Variants in SHISA6 observed in about 807,000 individuals in gnomAD.
The protein encoded by SHISA6 is protein shisa-6.
Under a neutral mutation model 47.9 loss-of-function variants are expected in SHISA6, and 22 were observed. The ratio of observed to expected loss-of-function variants is 0.46; its 90% CI spans 0.33 to 0.66. SHISA6 has a LOEUF of 0.66. SHISA6 is among the 30% of genes least tolerant of loss of function. SHISA6 has a pLI of 0.02. For missense variants in SHISA6, 680 were observed against 764.6 expected (o/e 0.89, Z 1.30); for synonymous variants, 388 against 337.8 (o/e 1.15, Z -1.63).
intron 3 of SHISA6, among the ~76,000 whole-genome samples, chr17:11,453,600 T>C (rs918106993): frequency 2.6e-5 from 4 of 152,234 alleles, no homozygotes; most frequent in African/African-American, 7.2e-5. Flanking sequence ...TCCATTAGTT[T>C]TCATCTCTGC....
rs2943035 is a variant in SHISA6, at chr17:11,426,525, A to G, written c.895+47016A>G. On this transcript the variant is annotated intron_variant, in intron 3 of 5. Coordinates refer to ENST00000441885, the MANE Select transcript of SHISA6 (RefSeq NM_207386.4). ...ATGGGTGCAGTACACACCTACAGAGATTGATGCTGTGTAAGGCAGACAACT... is the reference window on the plus strand; with the variant it reads ...ATGGGTGCAGTACACACCTACAGAGGTTGATGCTGTGTAAGGCAGACAACT... Among the ~76,000 whole-genome samples, 922 of 152,306 alleles carry G rather than the reference A, an allele frequency of 6.1e-3. 9 individuals carry two copies. Among genetic ancestry groups the G allele is most frequent in the African/African-American group, 0.021 (862 of 41,556 alleles).
At chr17:11,455,175 AC>A (rs1296806555) in intron 3 of SHISA6, among the ~76,000 whole-genome samples, 1 of 151,566 alleles carries the variant, frequency 6.6e-6, no homozygotes, top group African/African-American at 2.4e-5. Flanking sequence ...TCTCAAAAAA[AC>A]AAAACAAACA....
chr17:11,308,673 G>A (rs925715059), intron 2 of SHISA6, among the ~76,000 whole-genome samples: 4 of 152,262 alleles, frequency 2.6e-5, no homozygotes, highest in Admixed American at 2.0e-4. Flanking sequence ...GAAACTCTGC[G>A]ATCTCACAGC....
intron 2 of SHISA6, among the ~76,000 whole-genome samples, chr17:11,266,163 T>C (rs1476336339): frequency 2.0e-5 from 3 of 152,154 alleles, no homozygotes; most frequent in Admixed American, 2.0e-4. Context: ...TTTGCATGAG[T>C]GTTCAAAGTG....
chr17:11,535,310 C>A (rs1487734927), intron 3 of SHISA6, among the ~76,000 whole-genome samples: 1 of 152,132 alleles, frequency 6.6e-6, no homozygotes, highest in Non-Finnish European at 1.5e-5. Context: ...AACTCCTGGT[C>A]TTGTGTGTCT....
intron 3 of SHISA6, among the ~76,000 whole-genome samples, chr17:11,515,313 AAAGGAAGGAAGGAAGGAAGGAAGGAAGG>A (rs200856515): frequency 3.1e-5 from 4 of 130,810 alleles, no homozygotes; most frequent in Non-Finnish European, 6.4e-5. Context: ...GAAGAAAGAA[AAAGGAAGGAAGGAAGGAAGGAAGGAAGG>A]AAGGAAGGAA....
At chr17:11,423,209 A>ATATG (rs1301054892) in intron 3 of SHISA6, among the ~76,000 whole-genome samples, 2 of 131,066 alleles carry the variant, frequency 1.5e-5, no homozygotes, top group Non-Finnish European at 3.2e-5. Flanking sequence ...TGTGTAACAT[A>ATATG]TATGTATGTG....
At position 11,316,176 on chromosome 17, in the gene SHISA6, T is replaced by G. The variant is rs549422973; in HGVS notation, c.799+52650T>G. Reference sequence around the variant, plus strand: ...TAGTGTTTTTAAAAAAAAAATTAGTTGTAAAGTTTTCACAGTAACTCTTGT... The same window carrying G: ...TAGTGTTTTTAAAAAAAAAATTAGTGGTAAAGTTTTCACAGTAACTCTTGT... On this transcript the variant is annotated intron_variant, in intron 2 of 5. Coordinates refer to ENST00000441885, the MANE Select transcript of SHISA6 (RefSeq NM_207386.4). Among the ~76,000 whole-genome samples, 276 of 152,038 alleles carry G rather than the reference T, an allele frequency of 1.8e-3. 2 individuals are homozygous for G. Among genetic ancestry groups the G allele is most frequent in the African/African-American group, 6.3e-3 (261 of 41,490 alleles).
chr17:11,283,305 T>G (rs1318089316), intron 2 of SHISA6, among the ~76,000 whole-genome samples: 1 of 152,224 alleles, frequency 6.6e-6, no homozygotes, highest in Non-Finnish European at 1.5e-5. Context: ...AGTAATTGTT[T>G]CCATTTAATA....
At chr17:11,329,752 G>A (rs1911031522) in intron 2 of SHISA6, among the ~76,000 whole-genome samples, 2 of 152,140 alleles carry the variant, frequency 1.3e-5, no homozygotes, top group South Asian at 2.1e-4. Context: ...AGCAGAACCA[G>A]TTGTCCTGGT....
intron 2 of SHISA6, among the ~76,000 whole-genome samples, chr17:11,312,429 A>G (rs975574058): frequency 2.8e-4 from 43 of 152,294 alleles, no homozygotes; most frequent in Middle Eastern, 3.4e-3. Context: ...CTTTAATACA[A>G]AAGTTACTTA....
chr17:11,299,283 T>C (rs1339579764), intron 2 of SHISA6, among the ~76,000 whole-genome samples: 1 of 152,188 alleles, frequency 6.6e-6, no homozygotes, highest in African/African-American at 2.4e-5. Flanking sequence ...TGCCAGATGC[T>C]ATTCTAAGTG....
chr17:11,344,540 G>A (rs1911633545), intron 2 of SHISA6, among the ~76,000 whole-genome samples: 1 of 152,114 alleles, frequency 6.6e-6, no homozygotes, highest in Admixed American at 6.5e-5. Flanking sequence ...ATGAAAAAGA[G>A]TGTTTTGTCT....
At chr17:11,423,563 T>A (rs1027097778) in intron 3 of SHISA6, among the ~76,000 whole-genome samples, 4 of 151,890 alleles carry the variant, frequency 2.6e-5, no homozygotes, top group African/African-American at 9.7e-5. Flanking sequence ...ATAAAAAAAT[T>A]GATTCTCTGA....
chr17:11,437,706 G>A (rs1914977619), intron 3 of SHISA6, among the ~76,000 whole-genome samples: 1 of 152,144 alleles, frequency 6.6e-6, no homozygotes, highest in African/African-American at 2.4e-5. Context: ...ATTGCACTCT[G>A]GTGCTTACAT....
At chr17:11,386,362 C>A (rs1005224312) in intron 3 of SHISA6, among the ~76,000 whole-genome samples, 1 of 151,722 alleles carries the variant, frequency 6.6e-6, no homozygotes, top group Non-Finnish European at 1.5e-5. Flanking sequence ...GCAACAAGAG[C>A]GAAACTCCAT....
At chr17:11,444,488 C>T (rs1843809543) in intron 3 of SHISA6, among the ~76,000 whole-genome samples, 1 of 152,102 alleles carries the variant, frequency 6.6e-6, no homozygotes, top group Non-Finnish European at 1.5e-5. Flanking sequence ...GACCAGGGTC[C>T]ACCAGAGCAG....
chr17:11,490,656 G>A (rs533672332), intron 3 of SHISA6, among the ~76,000 whole-genome samples: 2 of 152,334 alleles, frequency 1.3e-5, no homozygotes, highest in South Asian at 4.1e-4. Context: ...ACTGCAGGAA[G>A]GAGGAAGGGC....
At chr17:11,316,462 C>G (rs1910527044) in intron 2 of SHISA6, among the ~76,000 whole-genome samples, 1 of 138,124 alleles carries the variant, frequency 7.2e-6, no homozygotes, top group Non-Finnish European at 1.5e-5. Context: ...GCTCTGTCGC[C>G]TAGGCTGGAA....
Sources: allele counts gnomAD v4.1 joint callset (sites outside exome capture counted in the v4.1 genomes callset), GRCh38; gene constraint gnomAD v4.1.1; transcripts MANE v1.5; gene names NCBI Gene and HGNC (gene_info 2026-07-23, HGNC 2026-07-21).